Variants in PTPRM observed in about 807,000 individuals in gnomAD.
The protein encoded by PTPRM is receptor-type tyrosine-protein phosphatase mu.
A neutral mutation model predicts 186.7 loss-of-function variants in PTPRM; 47 were observed. The observed-to-expected ratio is 0.25, with a 90% confidence interval of 0.20 to 0.32. The LOEUF (loss-of-function observed/expected upper bound fraction) is 0.32, where lower values mean the gene tolerates loss of function less well. PTPRM is among the 10% of genes least tolerant of loss of function. The pLI is 1.00. For synonymous variants in PTPRM, 668 were observed against 674.9 expected, an observed-to-expected ratio of 0.99 and a Z score of 0.16; for missense variants, 1,494 against 1,865.0, an observed-to-expected ratio of 0.80 and a Z score of 3.66.
At chr18:7,637,553 G>A (rs2038347264) in intron 1 of PTPRM, among the ~76,000 whole-genome samples, 1 of 152,176 alleles carries the variant, frequency 6.6e-6, no homozygotes, top group African/African-American at 2.4e-5. Context: ...TGTGTGCCAG[G>A]CAGTGTCTAG....
chr18:8,338,728 A>C (rs978820955), intron 22 of PTPRM, among the ~76,000 whole-genome samples: 2 of 151,656 alleles, frequency 1.3e-5, no homozygotes, highest in South Asian at 4.1e-4. Context: ...CCTGGGAAAC[A>C]GTAAGTGTTT....
intron 11 of PTPRM, among the ~76,000 whole-genome samples, chr18:8,101,318 A>G (rs1200756787): frequency 6.6e-6 from 1 of 152,218 alleles, no homozygotes; most frequent in African/African-American, 2.4e-5. Context: ...AGCATCAAAC[A>G]CAGATGTTAT....
At chr18:7,764,120 G>A (rs764039978) in intron 1 of PTPRM, among the ~76,000 whole-genome samples, 16 of 152,050 alleles carry the variant, frequency 1.1e-4, no homozygotes, top group South Asian at 4.1e-4. Context: ...TGATCCAGCC[G>A]TGCTATTCTG....
At chr18:7,922,470 A>C (rs1457430131) in intron 4 of PTPRM, among the ~76,000 whole-genome samples, 1 of 152,214 alleles carries the variant, frequency 6.6e-6, no homozygotes, top group African/African-American at 2.4e-5. Context: ...TTGTTTACCC[A>C]CTTTGACCTC....
intron 19 of PTPRM, among the ~76,000 whole-genome samples, chr18:8,272,862 A>C (rs2094789464): frequency 6.6e-6 from 1 of 152,130 alleles, no homozygotes; most frequent in Non-Finnish European, 1.5e-5. Context: ...GTGTGTTGAA[A>C]GAGGTAATAT....
chr18:7,936,209 G>T (rs2051796527), intron 5 of PTPRM, among the ~76,000 whole-genome samples: 1 of 152,148 alleles, frequency 6.6e-6, no homozygotes, highest in Non-Finnish European at 1.5e-5. Context: ...CATGGCTGCA[G>T]ACCCAGCATC....
At chr18:8,200,309 G>A (rs1239013107) in intron 14 of PTPRM, among the ~76,000 whole-genome samples, 2 of 152,112 alleles carry the variant, frequency 1.3e-5, no homozygotes, top group African/African-American at 4.8e-5. Context: ...TTGGAGGTGG[G>A]GAGGGAGCTG....
At chr18:8,221,732 G>A (rs575266742) in intron 14 of PTPRM, among the ~76,000 whole-genome samples, 5 of 152,268 alleles carry the variant, frequency 3.3e-5, no homozygotes, top group South Asian at 4.1e-4. Context: ...TTTTCAGTCC[G>A]CTGATACTAA....
At chr18:7,815,216 A>G (rs1004855473) in intron 2 of PTPRM, 1 of 152,178 alleles carries the variant, frequency 6.6e-6, no homozygotes, top group Admixed American at 6.5e-5. Context: ...CCCACATGTC[A>G]TTACGTTTCT....
At chr18:7,744,883 C>T (rs1300774079) in intron 1 of PTPRM, among the ~76,000 whole-genome samples, 1 of 152,042 alleles carries the variant, frequency 6.6e-6, no homozygotes, top group South Asian at 2.1e-4. Flanking sequence ...GTTGAGAGAC[C>T]ATCCAGGGGA....
At chr18:7,900,544 GGTGTGT>G (rs533423695) in intron 3 of PTPRM, among the ~76,000 whole-genome samples, 1 of 150,770 alleles carries the variant, frequency 6.6e-6, no homozygotes, top group Admixed American at 6.6e-5. Context: ...TACATTAAAA[GGTGTGT>G]GTGTGTGTGT....
chr18:8,197,246 G>A (rs2146789160), intron 14 of PTPRM, among the ~76,000 whole-genome samples: 1 of 152,228 alleles, frequency 6.6e-6, no homozygotes, highest in Middle Eastern at 3.4e-3. Flanking sequence ...TGTTATTTTA[G>A]GTAAGGATGT....
chr18:7,871,479 T>C (rs1041419568), intron 2 of PTPRM, among the ~76,000 whole-genome samples: 1 of 152,244 alleles, frequency 6.6e-6, no homozygotes, highest in African/African-American at 2.4e-5. Flanking sequence ...AATTACACAG[T>C]TGCTTACTCT....
intron 2 of PTPRM, among the ~76,000 whole-genome samples, chr18:7,844,486 C>T (rs2046496931): frequency 6.6e-6 from 1 of 152,138 alleles, no homozygotes; most frequent in Non-Finnish European, 1.5e-5. Context: ...ACCCCCTCAA[C>T]ATGCAATGGT....
chr18:7,658,177 C>T (rs916517260), intron 1 of PTPRM, among the ~76,000 whole-genome samples: 10 of 151,910 alleles, frequency 6.6e-5, no homozygotes, highest in African/African-American at 2.4e-4. Context: ...TGACCAGCCT[C>T]TCCTGGTCCG....
intron 1 of PTPRM, among the ~76,000 whole-genome samples, chr18:7,581,832 AT>A (rs1034988698): frequency 4.0e-5 from 6 of 151,414 alleles, no homozygotes; most frequent in African/African-American, 1.5e-4. Context: ...CTTCACAAAA[AT>A]TTTTTTTGAA....
chr18:7,761,515 A>G (rs750797002), intron 1 of PTPRM, among the ~76,000 whole-genome samples: 13 of 152,224 alleles, frequency 8.5e-5, no homozygotes, highest in Non-Finnish European at 1.6e-4. Flanking sequence ...GCACATTCTT[A>G]GAATAACAGG....
intron 32 of PTPRM, among the ~76,000 whole-genome samples, chr18:8,396,689 T>C (rs2095846970): frequency 2.0e-5 from 3 of 152,146 alleles, no homozygotes; most frequent in Admixed American, 2.0e-4. Context: ...TGCCCAGACC[T>C]CCAAAGTCAG....
chr18:7,681,887 G>C (rs1410519718), intron 1 of PTPRM, among the ~76,000 whole-genome samples: 2 of 152,210 alleles, frequency 1.3e-5, no homozygotes, highest in East Asian at 3.8e-4. Flanking sequence ...GTCTCTCCTG[G>C]ATGCTTCTCA....
Sources: allele counts gnomAD v4.1 joint callset (sites outside exome capture counted in the v4.1 genomes callset), GRCh38; gene constraint gnomAD v4.1.1; transcripts MANE v1.5; gene names NCBI Gene and HGNC (gene_info 2026-07-23, HGNC 2026-07-21).